Variants in SVEP1 observed in about 807,000 individuals in gnomAD.
SVEP1 encodes the protein sushi, von Willebrand factor type A, EGF and pentraxin domain-containing protein 1.
A neutral mutation model predicts 367.3 loss-of-function variants in SVEP1; 164 were observed. That is an observed-to-expected ratio of 0.45 (90% CI 0.39 to 0.51). The LOEUF (loss-of-function observed/expected upper bound fraction) is 0.51. Ranked by LOEUF, SVEP1 falls within the 20% of genes least tolerant of loss-of-function variation. The pLI is 0.00. For synonymous variants in SVEP1, 1,666 were observed against 1,611.6 expected, an observed-to-expected ratio of 1.03 and a Z score of -0.81; for missense variants, 4,117 against 4,425.3, an observed-to-expected ratio of 0.93 and a Z score of 1.98.
intron 1 of SVEP1, 102 bp from the exon 2 acceptor site, chr9:110,550,206 C>A (rs1830266893): frequency 1.4e-6 from 2 of 1,474,256 alleles, no homozygotes; most frequent in South Asian, 2.5e-5. Context: ...ATTAGTATTT[C>A]ACAGGCATGA....
chr9:110,567,343 A>C (rs191272337), intron 1 of SVEP1, among the ~76,000 whole-genome samples: 1 of 152,308 alleles, frequency 6.6e-6, no homozygotes, highest in Non-Finnish European at 1.5e-5. Context: ...TTTTGGCAAA[A>C]TATCAAATTG....
In SVEP1 at chr9:110,479,769, G is replaced by A. The variant is rs1186490220; in HGVS notation, c.2366-13C>T. 1.9e-6 allele frequency: 3 copies of A among 1,591,228 alleles called. No individual in the cohort carries two copies. Among genetic ancestry groups the A allele is most frequent in the South Asian group, 1.2e-5 (1 of 85,286 alleles). ...GCAAAACGTTTTTCTAGAAAATGTT[G>A]GACAAAACAGCTTCAGTTGGTTAGT... On this transcript the variant is annotated splice_polypyrimidine_tract_variant and intron_variant, in intron 12 of 47. Coordinates refer to ENST00000374469, the MANE Select transcript of SVEP1 (RefSeq NM_153366.4).
Position 110,407,401 on chromosome 9 carries a change from A to T in SVEP1, c.8199T>A (p.Thr2733=). ...PENGFLRFTE[T]SMGSAVQYSC... is the part of the protein sequence containing the mutation. ...TATACTGCACAGCACTTCCCATGCT[A>T]GTCTCTGTAAAACGCAAAAAGCCAT... Residue 2733 remains threonine (T), a synonymous_variant, in exon 38 of 48, where the codon ACT becomes ACA. Transcript: ENST00000374469. 2 of 1,614,026 alleles carry T rather than the reference A, an allele frequency of 1.2e-6. No individual in the cohort carries two copies. The highest frequency in any genetic ancestry group is 2.2e-5 in the South Asian group (2 of 91,084).
chr9:110,427,779 A>C, intron 35 of SVEP1, 21 bp from the exon 36 acceptor site: 1 of 1,598,020 alleles, frequency 6.3e-7, no homozygotes, highest in Non-Finnish European at 8.5e-7. Context: ...GAATGATGTT[A>C]CTCTTTCATT....
At chr9:110,466,828 G>A (rs7861869) in intron 17 of SVEP1, among the ~76,000 whole-genome samples, 4,257 of 149,132 alleles carry the variant, frequency 0.029, 213 homozygotes, top group African/African-American at 0.1. Flanking sequence ...CTCCTACCTA[G>A]ACACGCCATT....
intron 46 of SVEP1, among the ~76,000 whole-genome samples, chr9:110,371,309 A>G (rs549407091): frequency 6.6e-6 from 1 of 152,218 alleles, no homozygotes; most frequent in Admixed American, 6.5e-5. Flanking sequence ...GCCTGACTGC[A>G]CTAACAAACT....
Position 110,456,167 on chromosome 9 carries a change from AC to A in SVEP1, c.3674-465del, listed in dbSNP as rs1393635432. The stretch of plus-strand genomic sequence containing the variant: ...TTTCTATGGGCTAGCTGTGCTGGAA[AC>A]CCATATTCTTTCTCAGGGTCCTCCT... On this transcript the variant is annotated intron_variant, in intron 21 of 47. Transcript: ENST00000374469. Among the ~76,000 whole-genome samples, 3 of 152,104 alleles carry A rather than the reference AC, an allele frequency of 2.0e-5. No homozygotes were observed. In the East Asian group the frequency reaches 5.8e-4, roughly 29 times the overall value.
intron 22 of SVEP1, among the ~76,000 whole-genome samples, chr9:110,453,266 C>T (rs1825520944): frequency 6.6e-6 from 1 of 151,942 alleles, no homozygotes. Flanking sequence ...CAGTACTCTC[C>T]ATAATAATAT....
intron 43 of SVEP1, among the ~76,000 whole-genome samples, chr9:110,385,589 A>G (rs1363843360): frequency 6.6e-6 from 1 of 152,220 alleles, no homozygotes; most frequent in East Asian, 1.9e-4. Flanking sequence ...CTGTTAAAGG[A>G]TAGTTTGGGG....
chr9:110,405,260 A>C lies in SVEP1; in HGVS notation c.9441-708T>G, dbSNP rs538465859. Among the ~76,000 whole-genome samples the C allele has an allele frequency of 4.7e-5, 7 of 150,426 alleles. 1 individual carries two copies. The highest frequency in any genetic ancestry group is 6.9e-3 in the Middle Eastern group (2 of 290). Reference sequence around the variant, plus strand: ...GAATACAGCATAATTAATATGTATTATGAATACCTACATGGACTCAGATAC... The same window carrying C: ...GAATACAGCATAATTAATATGTATTCTGAATACCTACATGGACTCAGATAC... On this transcript the variant is annotated intron_variant, in intron 38 of 47. Coordinates refer to ENST00000374469, the MANE Select transcript of SVEP1 (RefSeq NM_153366.4).
rs376146001 is a variant in SVEP1, at chr9:110,496,931, C to T, written c.1684G>A (p.Val562Met). The change falls in exon 8 of 48, where the codon GTG (valine) becomes ATG (methionine). Residue 562 changes from valine (V) to methionine (M), a missense_variant and splice_region_variant. Around this residue, in one of 4 missense-constraint regions of SVEP1, gnomAD observed 2,174 missense variants for 2,494.3 expected, o/e 0.87. Coordinates refer to ENST00000374469, the MANE Select transcript of SVEP1 (RefSeq NM_153366.4). ...VGVQAAVCKD[V>M]EAPQINCPKD... ...GGACAGTTGATTTGAGGAGCCTCCA[C>T]GTCTAACTCAGAAAAATACACAAGT... 1.4e-4 allele frequency: 213 copies of T among 1,535,884 alleles called. No individual in the cohort carries two copies. Among genetic ancestry groups the T allele is most frequent in the Non-Finnish European group, 1.7e-4 (197 of 1,135,682 alleles).
intron 34 of SVEP1, 21 bp from the exon 35 acceptor site, chr9:110,429,355 T>C: frequency 6.8e-7 from 1 of 1,477,120 alleles, no homozygotes. Flanking sequence ...TAGAGGAAAA[T>C]TACAGGATAT....
In SVEP1 at chr9:110,481,439, G is replaced by A. The variant is rs775665062; in HGVS notation, c.2171-3C>T. On this transcript the variant is annotated splice_region_variant and splice_polypyrimidine_tract_variant and intron_variant, in intron 11 of 47. Coordinates refer to ENST00000374469, the MANE Select transcript of SVEP1 (RefSeq NM_153366.4). ...GAATGGAATTTCACAGGGAGAACCT[G>A]TGTAAAAAAAATTGTACTATTCATA... The A allele has an allele frequency of 1.9e-6, 3 of 1,559,206 alleles. No homozygotes were observed. Among genetic ancestry groups the A allele is most frequent in the Non-Finnish European group, 2.6e-6 (3 of 1,152,522 alleles).
intron 3 of SVEP1, among the ~76,000 whole-genome samples, chr9:110,539,896 G>C (rs1830123433): frequency 6.6e-6 from 1 of 151,952 alleles, no homozygotes; most frequent in South Asian, 2.1e-4. Flanking sequence ...TGACCAAAGT[G>C]GCTAGACTAT....
At chr9:110,473,368 C>G (rs1412401377) in intron 14 of SVEP1, among the ~76,000 whole-genome samples, 1 of 152,082 alleles carries the variant, frequency 6.6e-6, no homozygotes, top group South Asian at 2.1e-4. Context: ...TCACCATGAA[C>G]ATTTTAGGCA....
chr9:110,409,196 G>A (rs1427940287), intron 37 of SVEP1, among the ~76,000 whole-genome samples: 1 of 152,146 alleles, frequency 6.6e-6, no homozygotes, highest in Non-Finnish European at 1.5e-5. Context: ...AGCACTTTGG[G>A]AGGCCGAGGC....
intron 39 of SVEP1, among the ~76,000 whole-genome samples, chr9:110,403,837 T>C (rs1424007618): frequency 4.7e-5 from 7 of 148,698 alleles, no homozygotes; most frequent in South Asian, 2.1e-4. Flanking sequence ...CAATACAAGA[T>C]ACGTGTAATA....
intron 1 of SVEP1, among the ~76,000 whole-genome samples, chr9:110,562,903 G>A (rs1357919091): frequency 1.3e-5 from 2 of 152,130 alleles, no homozygotes; most frequent in Admixed American, 6.5e-5. Flanking sequence ...TGTAGGCCAC[G>A]CTGGTCTTGA....
intron 11 of SVEP1, among the ~76,000 whole-genome samples, chr9:110,482,127 T>C (rs1829200286): frequency 6.6e-6 from 1 of 152,244 alleles, no homozygotes; most frequent in African/African-American, 2.4e-5. Context: ...AATAATACAT[T>C]GTAACCTTAG....
Sources: gnomAD v4.1 joint callset for allele counts (sites outside exome capture counted in the v4.1 genomes callset) on GRCh38, gnomAD v4.1.1 for gene constraint, gnomAD v4.1.1 regional missense constraint, MANE v1.5 for transcripts, NCBI Gene and HGNC (gene_info 2026-07-23, HGNC 2026-07-21) for gene names.